PABIR3: variants seen among roughly 807,000 people sequenced by gnomAD.
The protein encoded by PABIR3 is PABIR family member 3.
Under a neutral mutation model 23.1 loss-of-function variants are expected in PABIR3, and 20 were observed. The ratio of observed to expected loss-of-function variants is 0.86; its 90% CI spans 0.61 to 1.26. The LOEUF is 1.26. Among genes scored for constraint, PABIR3 ranks in the 50% most tolerant of loss-of-function variants. The pLI, the probability that PABIR3 is intolerant of heterozygous loss-of-function variation, is 0.00. For missense variants in PABIR3, 189 were observed against 195.4 expected, an observed-to-expected ratio of 0.97 and a Z score of 0.20; for synonymous variants, 69 against 68.5, an observed-to-expected ratio of 1.01 and a Z score of -0.04.
intron 1 of PABIR3, among the ~76,000 whole-genome samples, chrX:134,800,728 T>C (rs2080045510): frequency 8.9e-6 from 1 of 111,882 alleles, no homozygotes; most frequent in Non-Finnish European, 1.9e-5. Context: ...AGGTGGAGGT[T>C]GTAGTGAGCC....
intron 4 of PABIR3, chrX:134,844,145 G>A (rs1375880891): frequency 1.8e-5 from 2 of 109,506 alleles, no homozygotes; most frequent in Non-Finnish European, 3.8e-5. Flanking sequence ...GACTGGTCTC[G>A]AACTCCCAAC....
At position 134,847,983 on chromosome X, in the gene PABIR3, T is replaced by C; in HGVS notation, c.527+12T>C. Reference sequence around the variant, plus strand: ...CAACAATACATCATGTAAGTTTATGTTATATGAAAATACCAAATTGCTTAT... The same window carrying C: ...CAACAATACATCATGTAAGTTTATGCTATATGAAAATACCAAATTGCTTAT... On this transcript the variant is annotated intron_variant, in intron 8 of 10. Coordinates refer to ENST00000645433, the MANE Select transcript of PABIR3 (RefSeq NM_001388447.1). The C allele has an allele frequency of 8.9e-7, 1 of 1,118,695 alleles. No individual in the cohort carries two copies. The highest frequency in any genetic ancestry group is 1.2e-6 in the Non-Finnish European group (1 of 840,481). 92.2% of individuals were successfully genotyped at this position (1,118,695 alleles called of 1,213,427 possible). A position where few individuals can be genotyped will look rare whatever the true frequency, so the allele number is the denominator to read the frequency against.
chrX:134,804,088 TTCCCTTTTATAGG>T, upstream of PABIR3: 3 of 493,792 alleles, frequency 6.1e-6, no homozygotes, highest in Non-Finnish European at 6.6e-6. Flanking sequence ...TGTTTGTTGG[TTCCCTTTTATAGG>T]TGAGGGCCTG....
At chrX:134,803,681 T>C (rs762251797), upstream of PABIR3, among the ~76,000 whole-genome samples, 1 of 111,840 alleles carries the variant, frequency 8.9e-6, no homozygotes, top group South Asian at 3.8e-4. Flanking sequence ...GGTATCTCTT[T>C]TTATCTCAAG....
the PABIR3 span, among the ~76,000 whole-genome samples, chrX:134,863,544 C>T: frequency 4.3e-3 from 482 of 111,574 alleles, no homozygotes; most frequent in Non-Finnish European, 7.5e-3. Flanking sequence ...TTGTCCCAGT[C>T]GTTGGTACCA....
In PABIR3 at chrX:134,820,311, A is replaced by C. The variant is rs185492623; in HGVS notation, c.189+5462A>C. On this transcript the variant is annotated intron_variant, in intron 3 of 10. Transcript: ENST00000645433. ...ATACAGGTGTTTTCATTTCTAGTAG[A>C]TATTATATTACAAAATAGAAACATT... Among the ~76,000 whole-genome samples the C allele has an allele frequency of 3.6e-5, 4 of 112,275 alleles. No individual in the cohort carries two copies. In the East Asian group the frequency reaches 1.1e-3, roughly 31 times the overall value.
At chrX:134,832,756 A>G (rs1377466741) in intron 4 of PABIR3, among the ~76,000 whole-genome samples, 4 of 110,800 alleles carry the variant, frequency 3.6e-5, no homozygotes, top group African/African-American at 3.3e-5. Flanking sequence ...TATGTATCAC[A>G]TTTTCTTTAT....
intron 4 of PABIR3, chrX:134,838,673 CT>C (rs2082070515): frequency 5.6e-5 from 1 of 17,973 alleles, no homozygotes; most frequent in Non-Finnish European, 1.1e-4. Context: ...CCCTCCCCCC[CT>C]CCCCCCTCCC....
At chrX:134,808,964 A>G (rs370801776) in intron 2 of PABIR3, among the ~76,000 whole-genome samples, 3 of 111,826 alleles carry the variant, frequency 2.7e-5, no homozygotes, top group African/African-American at 9.7e-5. Context: ...CTTTTTATGT[A>G]TAAAGCGCAG....
rs770500171 is a variant in PABIR3 at position 134,845,186 on chromosome X, C to A, written c.247-19C>A. On this transcript the variant is annotated intron_variant, in intron 4 of 10. Coordinates refer to ENST00000645433, the MANE Select transcript of PABIR3 (RefSeq NM_001388447.1). Reference sequence around the variant, plus strand: ...AGGAACTGGGTATTCAGTTTATTCTCATTTTCCTACCTTTACAGGAAGAAG... The same window carrying A: ...AGGAACTGGGTATTCAGTTTATTCTAATTTTCCTACCTTTACAGGAAGAAG... 3.4e-6 allele frequency: 4 copies of A among 1,173,728 alleles called. No homozygotes were observed. The South Asian group carries it at 7.6e-5, about 22-fold the overall frequency.
At chrX:134,838,090 T>C (rs2082028808) in intron 4 of PABIR3, among the ~76,000 whole-genome samples, 1 of 111,651 alleles carries the variant, frequency 9.0e-6, no homozygotes. Flanking sequence ...ATCAAAATAG[T>C]CACAGGTTTA....
intron 2 of PABIR3, among the ~76,000 whole-genome samples, chrX:134,808,981 A>G (rs2080443413): frequency 9.0e-6 from 1 of 111,658 alleles, no homozygotes; most frequent in African/African-American, 3.3e-5. Flanking sequence ...GCAGATATAC[A>G]TACAGTATGT....
At chrX:134,856,543 A>G (rs2082751372), downstream of PABIR3, among the ~76,000 whole-genome samples, 1 of 110,298 alleles carries the variant, frequency 9.1e-6, no homozygotes, top group Admixed American at 9.7e-5. Context: ...GGATACCACA[A>G]CTCACTGTAA....
At chrX:134,858,703 C>A (rs1376043362), downstream of PABIR3, among the ~76,000 whole-genome samples, 1 of 111,715 alleles carries the variant, frequency 9.0e-6, no homozygotes, top group Non-Finnish European at 1.9e-5. Context: ...AGTACCCCAG[C>A]AAATACGTAA....
Position 134,847,468 on chromosome X carries a change from C to T in PABIR3, c.431C>T (p.Thr144Ile), listed in dbSNP as rs1161880014. ...VSSMASSIKK[T>I]GKQCFSPSLQ... Reference sequence around the variant, plus strand: ...TCAATGGCTTCTTCCATCAAGAAGACTGGGAAGGTAAGAAAGGAGTACCTA... The same window carrying T: ...TCAATGGCTTCTTCCATCAAGAAGATTGGGAAGGTAAGAAAGGAGTACCTA... Residue 144 changes from threonine (T) to isoleucine (I), a missense_variant, in exon 7 of 11, where the codon ACT (threonine) becomes ATT (isoleucine). Transcript: ENST00000645433. 1 of 1,188,534 alleles carries T rather than the reference C, an allele frequency of 8.4e-7. No individual in the cohort carries two copies. The highest frequency in any genetic ancestry group is 1.1e-6 in the Non-Finnish European group (1 of 875,562).
chrX:134,802,988 A>G (rs1391529833), upstream of PABIR3, among the ~76,000 whole-genome samples: 1 of 112,352 alleles, frequency 8.9e-6, no homozygotes, highest in Non-Finnish European at 1.9e-5. Flanking sequence ...CTGTCCAACG[A>G]GAGGTTGGAA....
intron 4 of PABIR3, among the ~76,000 whole-genome samples, chrX:134,834,749 C>T (rs2081919137): frequency 8.9e-6 from 1 of 112,109 alleles, no homozygotes; most frequent in Admixed American, 9.5e-5. Context: ...TTTCCCAGCA[C>T]CATTTATTGA....
chrX:134,821,657 A>G (rs1330405849), intron 3 of PABIR3: 2 of 1,077,880 alleles, frequency 1.9e-6, no homozygotes, highest in African/African-American at 1.9e-5. Context: ...TGCTTTTCCT[A>G]TTGGCAACCA....
At chrX:134,821,405 G>T in intron 3 of PABIR3, 2 of 1,154,449 alleles carry the variant, frequency 1.7e-6, no homozygotes. Flanking sequence ...CTCCCAAATC[G>T]CCCCTTTGCT....
Sources: allele counts gnomAD v4.1 joint callset (sites outside exome capture counted in the v4.1 genomes callset), GRCh38; gene constraint gnomAD v4.1.1; transcripts MANE v1.5; gene names NCBI Gene and HGNC (gene_info 2026-07-23, HGNC 2026-07-21).